Variants in GLB1 observed in about 807,000 individuals in gnomAD.
GLB1 encodes galactosidase beta 1, also known as beta-galactosidase.
A neutral mutation model predicts 74.0 loss-of-function variants in GLB1; 56 were observed. The ratio of observed to expected loss-of-function variants is 0.76; its 90% CI spans 0.61 to 0.94. The LOEUF is 0.94. GLB1 is among the 40% of genes least tolerant of loss of function. GLB1 has a pLI of 0.00. For synonymous variants in GLB1, 323 were observed against 323.6 expected, an observed-to-expected ratio of 1.00 and a Z score of 0.02; for missense variants, 787 against 845.5, an observed-to-expected ratio of 0.93 and a Z score of 0.86.
chr3:33,021,218 G>T, intron 12 of GLB1: 1 of 330,222 alleles, frequency 3.0e-6, no homozygotes, highest in Non-Finnish European at 5.8e-6. Context: ...TAATTAAACT[G>T]TCTGTTTTGA....
chr3:33,069,358 C>A (rs181775484), intron 2 of GLB1, among the ~76,000 whole-genome samples: 47 of 152,164 alleles, frequency 3.1e-4, no homozygotes, highest in Non-Finnish European at 4.7e-4. Flanking sequence ...GCACTCCAAA[C>A]TGGATGACAG....
chr3:33,044,057 A>G (rs6773715), intron 10 of GLB1, among the ~76,000 whole-genome samples: 15,201 of 152,260 alleles, frequency 0.1, 935 homozygotes, highest in Non-Finnish European at 0.14. Context: ...GAAGCAGATC[A>G]AAGATATCAA....
At chr3:33,087,332 G>T (rs992922504) in intron 1 of GLB1, among the ~76,000 whole-genome samples, 15 of 152,138 alleles carry the variant, frequency 9.9e-5, no homozygotes. Flanking sequence ...CACTTTGGGA[G>T]GGGGAAGCGG....
the GLB1 span, among the ~76,000 whole-genome samples, chr3:32,984,250 C>T: frequency 6.6e-6 from 1 of 151,884 alleles, no homozygotes; most frequent in Non-Finnish European, 1.5e-5. Flanking sequence ...GGTACTTGTC[C>T]CTACACCCCC....
intron 10 of GLB1, among the ~76,000 whole-genome samples, chr3:33,027,134 C>CTG (rs1266579028): frequency 6.6e-6 from 1 of 152,222 alleles, no homozygotes; most frequent in East Asian, 1.9e-4. Context: ...CTTTGGGGCC[C>CTG]TGTGGTTCCT....
chr3:32,967,870 G>A, the GLB1 span, among the ~76,000 whole-genome samples: 2 of 152,130 alleles, frequency 1.3e-5, no homozygotes, highest in Non-Finnish European at 1.5e-5. Context: ...ACTGGGGGTG[G>A]GGCTGCAGGA....
At chr3:33,022,811 C>T (rs952368756) in intron 11 of GLB1, among the ~76,000 whole-genome samples, 7 of 152,008 alleles carry the variant, frequency 4.6e-5, no homozygotes, top group Non-Finnish European at 1.0e-4. Context: ...CCTCCCGCCT[C>T]GGCCTCCCAA....
chr3:33,044,015 C>A (rs1330344648), intron 10 of GLB1, among the ~76,000 whole-genome samples: 1 of 152,104 alleles, frequency 6.6e-6, no homozygotes, highest in African/African-American at 2.4e-5. Flanking sequence ...ACAACTCTCA[C>A]TAAATAGTAG....
At chr3:33,032,336 A>G (rs1698086701) in intron 10 of GLB1, among the ~76,000 whole-genome samples, 1 of 152,110 alleles carries the variant, frequency 6.6e-6, no homozygotes, top group South Asian at 2.1e-4. Context: ...GCTTATGGAG[A>G]AATCTGTCTA....
At chr3:32,965,972 G>A in the GLB1 span, among the ~76,000 whole-genome samples, 1 of 152,234 alleles carries the variant, frequency 6.6e-6, no homozygotes, top group Non-Finnish European at 1.5e-5. Flanking sequence ...CTAGATTTCA[G>A]AAGATGTATG....
At chr3:33,057,593 G>A (rs1361188601) in intron 6 of GLB1, among the ~76,000 whole-genome samples, 1 of 152,218 alleles carries the variant, frequency 6.6e-6, no homozygotes, top group Non-Finnish European at 1.5e-5. Context: ...ACAGTTCAGT[G>A]TTCTAAGTTA....
At position 33,042,822 on chromosome 3, in the gene GLB1, C is replaced by T. The variant is rs925429914; in HGVS notation, c.1068+3298G>A. Reference sequence around the variant, plus strand: ...GAGATATGCCACATGGCTCTCTCACCACCTTAAAATTTTTGTTTGAGCTCC... The same window carrying T: ...GAGATATGCCACATGGCTCTCTCACTACCTTAAAATTTTTGTTTGAGCTCC... On this transcript the variant is annotated intron_variant, in intron 10 of 15. Coordinates refer to ENST00000307363, the MANE Select transcript of GLB1 (RefSeq NM_000404.4). 1.4e-3 allele frequency among the ~76,000 whole-genome samples: 220 copies of T among 152,298 alleles called. 1 individual carries two copies. The highest frequency in any genetic ancestry group is 5.1e-3 in the African/African-American group (213 of 41,556).
chr3:33,034,243 G>C, intron 10 of GLB1: 1 of 671,302 alleles, frequency 1.5e-6, no homozygotes, highest in South Asian at 1.6e-5. Flanking sequence ...GCTCAGATGG[G>C]GCCATCTTCC....
chr3:33,093,845 C>T lies in GLB1; in HGVS notation c.75+3166G>A, dbSNP rs772701337. 7 of 1,613,354 alleles carry T rather than the reference C, an allele frequency of 4.3e-6. No homozygotes were observed. The highest frequency in any genetic ancestry group is 2.2e-5 in the East Asian group (1 of 44,872). ...TGTAAGCACCCAGGCAGGAGTAGGC[C>T]GCCAAGGAAAAGAGATAGGGCTCTT... On this transcript the variant is annotated intron_variant, in intron 1 of 15. Transcript: ENST00000307363. This position sits in a 1 kb window ranked among gnomAD's most constrained non-coding sequence, Gnocchi z 6.0.
chr3:33,051,970 T>C lies in GLB1; in HGVS notation c.827A>G (p.His276Arg), dbSNP rs1559401406. The C allele has an allele frequency of 6.2e-7, 1 of 1,614,208 alleles. No individual in the cohort carries two copies. The highest frequency in any genetic ancestry group is 1.1e-5 in the South Asian group (1 of 91,090). The change falls in exon 8 of 16, where the codon CAC becomes CGC. Residue 276 changes from histidine (H) to arginine (R), a missense_variant. Coordinates refer to ENST00000307363, the MANE Select transcript of GLB1 (RefSeq NM_000404.4). ...NSEFYTGWLD[H>R]WGQPHSTIKT... ...GATTGTGGAGTGAGGTTGGCCCCAGTGATCTAGCCAGCCAGTATAGAATTC... is the reference window on the plus strand; with the variant it reads ...GATTGTGGAGTGAGGTTGGCCCCAGCGATCTAGCCAGCCAGTATAGAATTC...
At chr3:33,069,499 G>GCTT (rs1287785002) in intron 2 of GLB1, among the ~76,000 whole-genome samples, 1 of 152,142 alleles carries the variant, frequency 6.6e-6, no homozygotes, top group African/African-American at 2.4e-5. Context: ...GCCCACTGAG[G>GCTT]CTTCCTTCAT....
At chr3:33,078,162 C>T (rs527670641) in intron 1 of GLB1, among the ~76,000 whole-genome samples, 13 of 152,078 alleles carry the variant, frequency 8.5e-5, no homozygotes, top group African/African-American at 2.9e-4. Context: ...GAAGATTGCT[C>T]GAGCCCAGGA....
At chr3:33,028,696 G>A (rs915315757) in intron 10 of GLB1, among the ~76,000 whole-genome samples, 2 of 144,902 alleles carry the variant, frequency 1.4e-5, no homozygotes, top group Non-Finnish European at 3.0e-5. Context: ...ACGGAGTTTC[G>A]CTCTTGTTGC....
At chr3:33,004,546 C>T (rs1038504259) in intron 15 of GLB1, among the ~76,000 whole-genome samples, 2 of 152,226 alleles carry the variant, frequency 1.3e-5, no homozygotes, top group Non-Finnish European at 2.9e-5. Flanking sequence ...GTCAGTCCCA[C>T]TTTCACTGAT....
Sources: allele counts gnomAD v4.1 joint callset (sites outside exome capture counted in the v4.1 genomes callset), GRCh38; gene constraint gnomAD v4.1.1; non-coding constraint Gnocchi (gnomAD v3.1); transcripts MANE v1.5; gene names NCBI Gene and HGNC (gene_info 2026-07-23, HGNC 2026-07-21).